SUPT3H: variants seen among roughly 807,000 people sequenced by gnomAD.
The protein encoded by SUPT3H is transcription initiation protein SPT3 homolog.
In SUPT3H, 44 loss-of-function variants were observed where a neutral mutation model predicts 44.3. The observed-to-expected ratio is 0.99, with a 90% CI of 0.78 to 1.28. The LOEUF (loss-of-function observed/expected upper bound fraction) is 1.28. SUPT3H is among the 50% of genes most tolerant of loss of function. SUPT3H has a pLI of 0.00. For missense variants in SUPT3H, 380 were observed against 387.1 expected (o/e 0.98, Z 0.15); for synonymous variants, 124 against 125.6 (o/e 0.99, Z 0.09).
chr6:45,291,025 C>T (rs546225171), intron 2 of SUPT3H, among the ~76,000 whole-genome samples: 8 of 152,098 alleles, frequency 5.3e-5, no homozygotes, highest in Non-Finnish European at 1.2e-4. Flanking sequence ...CCCACAGACC[C>T]CCTGAAGGAA....
chr6:45,020,412 C>T (rs1475534), intron 4 of SUPT3H, 134 bp downstream of exon 4: 612,767 of 627,666 alleles, frequency 0.98, 299,164 homozygotes, highest in East Asian at 1. Flanking sequence ...TCGTCCAAAC[C>T]ATGAAGACTA....
chr6:44,863,587 AG>A (rs1336064943), intron 10 of SUPT3H, among the ~76,000 whole-genome samples: 1 of 152,164 alleles, frequency 6.6e-6, no homozygotes, highest in Non-Finnish European at 1.5e-5. Context: ...GGAGTCTTTG[AG>A]GAACAGGATA....
chr6:45,231,452 G>C (rs1411965497), intron 2 of SUPT3H, among the ~76,000 whole-genome samples: 1 of 152,288 alleles, frequency 6.6e-6, no homozygotes, highest in East Asian at 1.9e-4. Flanking sequence ...TTTCTACTGA[G>C]AAAGCTGCTC....
At chr6:45,092,774 A>C (rs1229597192) in intron 3 of SUPT3H, among the ~76,000 whole-genome samples, 1 of 145,318 alleles carries the variant, frequency 6.9e-6, no homozygotes, top group Middle Eastern at 3.4e-3. Flanking sequence ...AAAAAAAATT[A>C]AGTCAATTTT....
intron 2 of SUPT3H, among the ~76,000 whole-genome samples, chr6:45,175,781 T>C (rs1478637721): frequency 6.6e-6 from 1 of 152,150 alleles, no homozygotes; most frequent in Admixed American, 6.5e-5. Context: ...TATTTAGAAT[T>C]TGGATAAATT....
chr6:45,093,834 A>G lies in SUPT3H; in HGVS notation c.186+12088T>C, dbSNP rs139122430. ...CTGAATGGCTTACTAGTTGTTGAGT[A>G]GATTCACATAGAAAAAAACCTAATA... On this transcript the variant is annotated intron_variant, in intron 3 of 10. Coordinates refer to ENST00000371459, the MANE Select transcript of SUPT3H (RefSeq NM_003599.4). Among the ~76,000 whole-genome samples, 73 of 152,290 alleles carry G rather than the reference A, an allele frequency of 4.8e-4. 2 individuals are homozygous for G. In the East Asian group the frequency reaches 0.012, roughly 25 times the overall value.
At chr6:45,195,704 T>G (rs529164382) in intron 2 of SUPT3H, among the ~76,000 whole-genome samples, 60 of 152,178 alleles carry the variant, frequency 3.9e-4, no homozygotes, top group Non-Finnish European at 7.5e-4. Context: ...GCTATCTAGA[T>G]TTTTATATTT....
chr6:45,336,288 T>C (rs932699405), intron 2 of SUPT3H, among the ~76,000 whole-genome samples: 1 of 151,422 alleles, frequency 6.6e-6, no homozygotes, highest in Non-Finnish European at 1.5e-5. Context: ...CTTGATTATG[T>C]AGTAAAGATT....
chr6:45,027,559 T>A (rs767685540), intron 3 of SUPT3H, among the ~76,000 whole-genome samples: 2 of 152,320 alleles, frequency 1.3e-5, no homozygotes, highest in East Asian at 3.9e-4. Flanking sequence ...TCTGAGATAT[T>A]GTGACTAACA....
intron 3 of SUPT3H, 107 bp from the exon 4 acceptor site, chr6:45,020,739 G>A: frequency 1.5e-6 from 1 of 673,272 alleles, no homozygotes; most frequent in Non-Finnish European, 2.4e-6. Flanking sequence ...AAAACCTTTG[G>A]GAAATAATCC....
At chr6:44,845,580 T>G (rs1160125135) in intron 10 of SUPT3H, among the ~76,000 whole-genome samples, 2 of 152,054 alleles carry the variant, frequency 1.3e-5, no homozygotes, top group Admixed American at 1.3e-4. Context: ...AATGTTGCAT[T>G]TCCCAAGACC....
intron 3 of SUPT3H, among the ~76,000 whole-genome samples, chr6:45,102,950 A>AG (rs1277625182): frequency 6.6e-6 from 1 of 152,100 alleles, no homozygotes; most frequent in African/African-American, 2.4e-5. Flanking sequence ...AAAAAAAGAA[A>AG]AAAAAAAAAA....
chr6:45,107,798 C>T (rs746861770), intron 2 of SUPT3H, among the ~76,000 whole-genome samples: 9 of 152,146 alleles, frequency 5.9e-5, no homozygotes, highest in African/African-American at 9.7e-5. Flanking sequence ...TGAGAGTGAG[C>T]AGGACCAACA....
intron 6 of SUPT3H, among the ~76,000 whole-genome samples, chr6:44,962,096 C>T (rs1466301146): frequency 6.6e-6 from 1 of 152,070 alleles, no homozygotes; most frequent in Non-Finnish European, 1.5e-5. Context: ...AATTTTCTGA[C>T]TTGTATCATC....
chr6:45,141,708 CAA>C (rs1285316506), intron 2 of SUPT3H, among the ~76,000 whole-genome samples: 3 of 151,984 alleles, frequency 2.0e-5, no homozygotes, highest in African/African-American at 7.2e-5. Flanking sequence ...TATGTAATAA[CAA>C]GTCGTGAGAT....
At chr6:45,341,453 T>G (rs1345516842) in intron 2 of SUPT3H, among the ~76,000 whole-genome samples, 1 of 152,176 alleles carries the variant, frequency 6.6e-6, no homozygotes, top group African/African-American at 2.4e-5. Context: ...TAACAACTTT[T>G]AAAAGCTACA....
intron 2 of SUPT3H, among the ~76,000 whole-genome samples, chr6:45,128,898 C>G (rs931924912): frequency 2.0e-5 from 3 of 152,048 alleles, no homozygotes; most frequent in African/African-American, 4.8e-5. Flanking sequence ...GTTGGCCAGG[C>G]TGGTCTCAAA....
chr6:45,058,411 A>C (rs1196268330), intron 3 of SUPT3H, among the ~76,000 whole-genome samples: 1 of 152,192 alleles, frequency 6.6e-6, no homozygotes, highest in Non-Finnish European at 1.5e-5. Context: ...ACAAATATAT[A>C]CTGAACACCT....
intron 2 of SUPT3H, among the ~76,000 whole-genome samples, chr6:45,172,527 T>C (rs1375749269): frequency 1.3e-5 from 2 of 151,344 alleles, no homozygotes; most frequent in Non-Finnish European, 2.9e-5. Flanking sequence ...TATGATTAAA[T>C]AGAAACCCAA....
Sources: allele counts gnomAD v4.1 joint callset (sites outside exome capture counted in the v4.1 genomes callset), GRCh38; gene constraint gnomAD v4.1.1; transcripts MANE v1.5; gene names NCBI Gene and HGNC (gene_info 2026-07-23, HGNC 2026-07-21).